CNTN4: variants seen among roughly 807,000 people sequenced by gnomAD.
CNTN4 encodes the protein contactin 4, also known as contactin-4.
Under a neutral mutation model 122.5 loss-of-function variants are expected in CNTN4, and 77 were observed. The ratio of observed to expected loss-of-function variants is 0.63; its 90% CI spans 0.52 to 0.76. CNTN4 has a LOEUF of 0.76. CNTN4 is among the 30% of genes least tolerant of loss of function. The pLI is 0.00. For synonymous variants in CNTN4, 512 were observed against 447.0 expected, an observed-to-expected ratio of 1.15 and a Z score of -1.83; for missense variants, 1,256 against 1,259.1, an observed-to-expected ratio of 1.00 and a Z score of 0.04.
Position 2,170,247 on chromosome 3 carries a change from GA to G in CNTN4, c.-145+69609del, listed in dbSNP as rs1181308613. Among the ~76,000 whole-genome samples the G allele has an allele frequency of 3.3e-5, 5 of 152,034 alleles. No homozygotes were observed. In the South Asian group the frequency reaches 6.2e-4, roughly 19 times the overall value. ...AGGCGGGAGAATGGCGGGAACCCGG[GA>G]GGCGGAGCTTGCAGTGAGCCGAGAT... On this transcript the variant is annotated intron_variant, in intron 2 of 24. Coordinates refer to ENST00000418658, the MANE Select transcript of CNTN4 (RefSeq NM_175607.3).
intron 6 of CNTN4, among the ~76,000 whole-genome samples, chr3:2,753,828 T>C (rs1000818442): frequency 6.6e-6 from 1 of 152,238 alleles, no homozygotes; most frequent in Non-Finnish European, 1.5e-5. Flanking sequence ...GCCATCATAC[T>C]GTTGATTTAC....
chr3:2,170,060 G>T (rs932637095), intron 2 of CNTN4, among the ~76,000 whole-genome samples: 27 of 152,116 alleles, frequency 1.8e-4, no homozygotes, highest in Admixed American at 7.2e-4. Flanking sequence ...GGTGGCTCAC[G>T]CCTGTAATCC....
intron 12 of CNTN4, among the ~76,000 whole-genome samples, chr3:2,916,978 C>G (rs184755678): frequency 0.15 from 14,484 of 98,130 alleles, 1,730 homozygotes; most frequent in East Asian, 0.37. Flanking sequence ...TGCAGCGAGC[C>G]GAGATCACGC....
intron 13 of CNTN4, among the ~76,000 whole-genome samples, chr3:2,941,713 T>C (rs906642562): frequency 6.6e-6 from 1 of 152,198 alleles, no homozygotes; most frequent in Non-Finnish European, 1.5e-5. Flanking sequence ...CAATGTGTTC[T>C]CTGTACCATA....
intron 3 of CNTN4, among the ~76,000 whole-genome samples, chr3:2,526,772 A>C (rs2077412050): frequency 6.6e-6 from 1 of 152,130 alleles, no homozygotes; most frequent in African/African-American, 2.4e-5. Context: ...ATAGGCATAC[A>C]TCCATGCTTG....
At chr3:2,867,520 C>T (rs1388945087) in intron 8 of CNTN4, among the ~76,000 whole-genome samples, 2 of 152,124 alleles carry the variant, frequency 1.3e-5, no homozygotes, top group Non-Finnish European at 1.5e-5. Flanking sequence ...TCACTGTGTA[C>T]TTTGTAAAGA....
intron 3 of CNTN4, among the ~76,000 whole-genome samples, chr3:2,523,881 T>A (rs1266731692): frequency 6.6e-6 from 1 of 152,088 alleles, no homozygotes; most frequent in Admixed American, 6.6e-5. Context: ...TACCCATCAT[T>A]TGAAATTTCT....
chr3:2,968,691 G>C (rs1692574335), intron 13 of CNTN4, among the ~76,000 whole-genome samples: 1 of 152,154 alleles, frequency 6.6e-6, no homozygotes, highest in Non-Finnish European at 1.5e-5. Context: ...TCATTACTGT[G>C]CTAGGTTTTG....
chr3:2,123,551 C>T (rs1020495354), intron 2 of CNTN4, among the ~76,000 whole-genome samples: 1 of 152,212 alleles, frequency 6.6e-6, no homozygotes, highest in Non-Finnish European at 1.5e-5. Flanking sequence ...GTCTTTGCTA[C>T]TGCTGTGTCC....
At chr3:2,105,143 C>T (rs1028105859) in intron 2 of CNTN4, among the ~76,000 whole-genome samples, 2 of 152,126 alleles carry the variant, frequency 1.3e-5, no homozygotes, top group Admixed American at 6.5e-5. Flanking sequence ...TGAACTAATT[C>T]CTGTAGATAA....
At chr3:2,637,498 G>GCAGAGTACTCTGCTGGTTT (rs2082713144) in intron 4 of CNTN4, among the ~76,000 whole-genome samples, 3 of 152,110 alleles carry the variant, frequency 2.0e-5, no homozygotes, top group Middle Eastern at 6.8e-3. Flanking sequence ...TCTGAAACCA[G>GCAGAGTACTCTGCTGGTTT]CAGAGTACAC....
rs1354235110 is a variant in CNTN4, at chr3:3,043,137, C to A, written c.2672C>A (p.Thr891Lys). ...GCTGGGACAGGCCCCTCTAGTGCAA[C>A]AGTCAATGTGACAACCCGAAAGCCA... ...NSAGTGPSSA[T>K]VNVTTRKPPP... The change falls in exon 22 of 25, where the codon ACA (threonine) becomes AAA (lysine). Residue 891 changes from threonine to lysine, a missense_variant. By Grantham distance (78) the Thr-to-Lys change is moderately conservative (BLOSUM62 -1). Coordinates refer to ENST00000418658, the MANE Select transcript of CNTN4 (RefSeq NM_175607.3). 1.9e-6 allele frequency: 3 copies of A among 1,614,178 alleles called. No homozygotes were observed. The highest frequency in any genetic ancestry group is 2.5e-6 in the Non-Finnish European group (3 of 1,180,034).
chr3:2,779,858 T>C (rs2091497126), intron 6 of CNTN4, among the ~76,000 whole-genome samples: 1 of 152,238 alleles, frequency 6.6e-6, no homozygotes, highest in South Asian at 2.1e-4. Flanking sequence ...ATAAAGATAA[T>C]TGGCTAATAG....
intron 9 of CNTN4, among the ~76,000 whole-genome samples, chr3:2,886,513 C>CTT (rs200813621): frequency 0.12 from 16,355 of 136,762 alleles, 1,205 homozygotes; most frequent in South Asian, 0.2. Context: ...AGATAGATCA[C>CTT]TTTTTTTTTT....
intron 3 of CNTN4, among the ~76,000 whole-genome samples, chr3:2,393,690 C>G (rs976196945): frequency 2.6e-5 from 4 of 152,012 alleles, no homozygotes; most frequent in African/African-American, 9.7e-5. Context: ...ATGATGTTTT[C>G]AAGTATTTCT....
At position 3,056,018 on chromosome 3, in the gene CNTN4, G is replaced by A. The variant is rs927795416; in HGVS notation, c.2981-102G>A. The A allele has an allele frequency of 3.9e-6, 3 of 759,940 alleles. No individual in the cohort carries two copies. The African/African-American group carries it at 5.3e-5, about 13-fold the overall frequency. The allele number at this position is 759,940 out of a possible 1,614,324, so 47.1% of individuals were successfully genotyped here. On this transcript the variant is annotated intron_variant, in intron 24 of 24. Coordinates refer to ENST00000418658, the MANE Select transcript of CNTN4 (RefSeq NM_175607.3). Reference sequence around the variant, plus strand: ...ATTAAGACCTTGATCATCATTTCCAGTAGAATCCATGCAGTTCTGCTGTTT... The same window carrying A: ...ATTAAGACCTTGATCATCATTTCCAATAGAATCCATGCAGTTCTGCTGTTT...
chr3:2,508,117 A>G (rs2076785315), intron 3 of CNTN4, among the ~76,000 whole-genome samples: 1 of 152,240 alleles, frequency 6.6e-6, no homozygotes, highest in Admixed American at 6.5e-5. Flanking sequence ...TGGAAAATTA[A>G]TATGGCCACA....
intron 14 of CNTN4, among the ~76,000 whole-genome samples, chr3:3,007,911 C>A (rs1287901190): frequency 1.3e-5 from 2 of 152,126 alleles, no homozygotes; most frequent in African/African-American, 4.8e-5. Flanking sequence ...CCTGGGCAAG[C>A]AAGGACACAT....
intron 6 of CNTN4, among the ~76,000 whole-genome samples, chr3:2,804,581 C>A (rs912776052): frequency 1.3e-5 from 2 of 152,194 alleles, no homozygotes; most frequent in African/African-American, 2.4e-5. Context: ...GCTCTAAATA[C>A]TACTATTCAA....
Sources: gnomAD v4.1 joint callset for allele counts (sites outside exome capture counted in the v4.1 genomes callset) on GRCh38, gnomAD v4.1.1 for gene constraint, MANE v1.5 for transcripts, NCBI Gene and HGNC (gene_info 2026-07-23, HGNC 2026-07-21) for gene names.